The following ROBO1 variants were observed in gnomAD, a reference collection of about 807,000 sequenced individuals.
ROBO1 encodes the protein roundabout guidance receptor 1.
A neutral mutation model predicts 195.9 loss-of-function variants in ROBO1; 149 were observed. That is an observed-to-expected ratio of 0.76 (90% CI 0.67 to 0.87). ROBO1 has a LOEUF of 0.87. Ranked by LOEUF, ROBO1 falls within the 40% of genes least tolerant of loss-of-function variation. ROBO1 has a pLI of 0.00. For missense variants in ROBO1, 1,933 were observed against 2,068.3 expected (o/e 0.93, Z 1.27); for synonymous variants, 816 against 733.2 (o/e 1.11, Z -1.82).
chr3:79,470,600 T>C (rs1053505547), intron 2 of ROBO1, among the ~76,000 whole-genome samples: 3 of 152,136 alleles, frequency 2.0e-5, no homozygotes, highest in African/African-American at 7.2e-5. Flanking sequence ...ATAATCCCCA[T>C]GTGTCAAAGA....
chr3:78,727,905 T>G (rs2082201983), intron 5 of ROBO1, among the ~76,000 whole-genome samples: 2 of 152,152 alleles, frequency 1.3e-5, no homozygotes, highest in African/African-American at 4.8e-5. Context: ...TATAAACATG[T>G]ATATTTTATA....
chr3:79,310,584 A>G (rs1446504344), intron 2 of ROBO1, among the ~76,000 whole-genome samples: 1 of 152,182 alleles, frequency 6.6e-6, no homozygotes, highest in Non-Finnish European at 1.5e-5. Flanking sequence ...TAGGGTGGTT[A>G]TAGTTAACAA....
chr3:79,743,932 G>A (rs1182770070), intron 1 of ROBO1, among the ~76,000 whole-genome samples: 1 of 152,022 alleles, frequency 6.6e-6, no homozygotes, highest in Non-Finnish European at 1.5e-5. Context: ...CTCCTGAAGG[G>A]CCTGCCTCAG....
intron 2 of ROBO1, among the ~76,000 whole-genome samples, chr3:79,304,080 A>T (rs2033111746): frequency 6.6e-6 from 1 of 152,244 alleles, no homozygotes; most frequent in Non-Finnish European, 1.5e-5. Context: ...GTAATTTTAG[A>T]TGGAAAAACC....
At chr3:79,592,928 G>C (rs1472796145) in intron 1 of ROBO1, among the ~76,000 whole-genome samples, 2 of 151,920 alleles carry the variant, frequency 1.3e-5, no homozygotes, top group Admixed American at 6.6e-5. Flanking sequence ...AGAAACTGCT[G>C]ATCTGTTTGT....
chr3:79,765,731 A>G (rs1704949647), intron 1 of ROBO1, among the ~76,000 whole-genome samples: 1 of 152,136 alleles, frequency 6.6e-6, no homozygotes, highest in Non-Finnish European at 1.5e-5. Context: ...ATGAAATGGC[A>G]TTGTCTTCCC....
intron 8 of ROBO1, among the ~76,000 whole-genome samples, chr3:78,711,321 CTCTCTCCT>C (rs1559772361): frequency 7.1e-6 from 1 of 141,520 alleles, no homozygotes; most frequent in East Asian, 2.2e-4. Flanking sequence ...CTTTCTCTCT[CTCTCTCCT>C]TCCTTCCTTC....
At chr3:78,641,167 G>C (rs1243503617) in intron 21 of ROBO1, among the ~76,000 whole-genome samples, 2 of 152,084 alleles carry the variant, frequency 1.3e-5, no homozygotes, top group Non-Finnish European at 2.9e-5. Context: ...TGGTCATCAC[G>C]ACAATTTTAC....
intron 2 of ROBO1, among the ~76,000 whole-genome samples, chr3:79,229,610 T>A (rs2082286688): frequency 6.6e-6 from 1 of 152,076 alleles, no homozygotes. Context: ...ATGTTTTTAT[T>A]ATTTATTTCT....
At chr3:79,431,339 A>G (rs1486042708) in intron 2 of ROBO1, among the ~76,000 whole-genome samples, 1 of 152,146 alleles carries the variant, frequency 6.6e-6, no homozygotes, top group East Asian at 1.9e-4. Context: ...TTTGGGATGT[A>G]TATACCAACT....
intron 4 of ROBO1, among the ~76,000 whole-genome samples, chr3:78,767,339 C>T (rs1576122595): frequency 6.6e-6 from 1 of 151,944 alleles, no homozygotes; most frequent in Non-Finnish European, 1.5e-5. Context: ...GATTTTGGCT[C>T]ACTGCAACCT....
chr3:79,450,124 G>GA (rs570199810), intron 2 of ROBO1, among the ~76,000 whole-genome samples: 6,050 of 101,418 alleles, frequency 0.06, 394 homozygotes, highest in African/African-American at 0.18. Flanking sequence ...GAAAAAAAAT[G>GA]AAAAAAAAAA....
chr3:78,788,128 T>C lies in ROBO1; in HGVS notation c.500-41228A>G, dbSNP rs368710300. 2.1e-4 allele frequency among the ~76,000 whole-genome samples: 32 copies of C among 149,566 alleles called. No homozygotes were observed. The South Asian group carries it at 5.7e-3, about 27-fold the overall frequency. ...CTGATTTTGTTTTTGTATTTTTTTT[T>C]CTTTTGAGACGGAGTCTGGCTCTGT... On this transcript the variant is annotated intron_variant, in intron 4 of 30. Coordinates refer to ENST00000464233, the MANE Select transcript of ROBO1 (RefSeq NM_002941.4).
At chr3:79,758,498 T>C (rs952024135) in intron 1 of ROBO1, among the ~76,000 whole-genome samples, 1 of 152,156 alleles carries the variant, frequency 6.6e-6, no homozygotes, top group Non-Finnish European at 1.5e-5. Context: ...AATGCTGTAC[T>C]AAAGGGTAAT....
At chr3:79,742,991 T>C (rs910891929) in intron 1 of ROBO1, among the ~76,000 whole-genome samples, 1 of 152,180 alleles carries the variant, frequency 6.6e-6, no homozygotes, top group African/African-American at 2.4e-5. Context: ...TATTAGCCCA[T>C]TGTGCTTTTC....
At chr3:79,074,461 C>A (rs2079137948) in intron 3 of ROBO1, among the ~76,000 whole-genome samples, 1 of 151,728 alleles carries the variant, frequency 6.6e-6, no homozygotes, top group South Asian at 2.1e-4. Flanking sequence ...GTTTCTGTTG[C>A]CTAGCTTGGA....
At position 78,842,813 on chromosome 3, in the gene ROBO1, T is replaced by A. The variant is rs113971143; in HGVS notation, c.499+95788A>T. Among the ~76,000 whole-genome samples, 812 of 152,024 alleles carry A rather than the reference T, an allele frequency of 5.3e-3. 10 individuals carry two copies. Among genetic ancestry groups the A allele is most frequent in the African/African-American group, 0.018 (739 of 41,504 alleles). ...AGAAAACTTTGGCAATACCTAAAAATAATTACAGGTGCATATACTTTCTGA... is the reference window on the plus strand; with the variant it reads ...AGAAAACTTTGGCAATACCTAAAAAAAATTACAGGTGCATATACTTTCTGA... On this transcript the variant is annotated intron_variant, in intron 4 of 30. Coordinates refer to ENST00000464233, the MANE Select transcript of ROBO1 (RefSeq NM_002941.4).
chr3:79,569,673 GTATATA>G (rs35772632), intron 2 of ROBO1, among the ~76,000 whole-genome samples: 5 of 85,702 alleles, frequency 5.8e-5, no homozygotes, highest in African/African-American at 1.1e-4. Context: ...GTGTGTGTGT[GTATATA>G]TGTGTGTGTG....
intron 25 of ROBO1, among the ~76,000 whole-genome samples, chr3:78,630,192 A>G (rs995548228): frequency 2.0e-5 from 3 of 152,242 alleles, no homozygotes; most frequent in African/African-American, 7.2e-5. Context: ...TGTATTGGTC[A>G]GTGGACAAAT....
Sources: gnomAD v4.1 joint callset for allele counts (sites outside exome capture counted in the v4.1 genomes callset) on GRCh38, gnomAD v4.1.1 for gene constraint, MANE v1.5 for transcripts, NCBI Gene and HGNC (gene_info 2026-07-23, HGNC 2026-07-21) for gene names.